Variants in GRID1 observed in about 807,000 individuals in gnomAD.
The protein encoded by GRID1 is glutamate receptor ionotropic, delta-1.
A neutral mutation model predicts 98.0 loss-of-function variants in GRID1; 28 were observed. The ratio of observed to expected loss-of-function variants is 0.29; its 90% CI spans 0.21 to 0.39. The LOEUF (loss-of-function observed/expected upper bound fraction) is 0.39, where lower values mean the gene tolerates loss of function less well. GRID1 is among the 10% of genes least tolerant of loss of function. The pLI is 1.00. For synonymous variants in GRID1, 553 were observed against 538.5 expected (o/e 1.03, Z -0.37); for missense variants, 1,111 against 1,340.5 (o/e 0.83, Z 2.67).
intron 2 of GRID1, among the ~76,000 whole-genome samples, chr10:86,256,820 G>A (rs946005132): frequency 3.9e-5 from 6 of 152,154 alleles, no homozygotes; most frequent in African/African-American, 1.4e-4. Flanking sequence ...CTTGCCCCTT[G>A]GCTTCTACCT....
intron 2 of GRID1, among the ~76,000 whole-genome samples, chr10:86,216,987 C>T (rs1426969041): frequency 2.0e-5 from 3 of 152,260 alleles, no homozygotes; most frequent in East Asian, 3.9e-4. Flanking sequence ...TATGGCAGTG[C>T]TCAGGGTGGG....
intron 2 of GRID1, among the ~76,000 whole-genome samples, chr10:86,321,479 A>AG (rs1423431634): frequency 3.3e-5 from 5 of 152,222 alleles, no homozygotes; most frequent in African/African-American, 1.2e-4. Context: ...TTTTTAAAAA[A>AG]GAAGAAGAAT....
At chr10:86,226,679 G>T (rs2132033269) in intron 2 of GRID1, among the ~76,000 whole-genome samples, 1 of 139,418 alleles carries the variant, frequency 7.2e-6, no homozygotes, top group East Asian at 2.1e-4. Context: ...CATTGGAGTG[G>T]GGTGTTGGCA....
intron 4 of GRID1, among the ~76,000 whole-genome samples, chr10:86,029,003 T>A (rs1355483036): frequency 6.6e-6 from 1 of 152,096 alleles, no homozygotes; most frequent in Non-Finnish European, 1.5e-5. Flanking sequence ...CCCTTAAGCA[T>A]CCCTCTAATG....
At chr10:85,786,559 G>A (rs1590231635) in intron 8 of GRID1, among the ~76,000 whole-genome samples, 1 of 152,280 alleles carries the variant, frequency 6.6e-6, no homozygotes, top group African/African-American at 2.4e-5. Context: ...ACGTGGGCCC[G>A]CAAGGCATAG....
chr10:86,020,440 A>G lies in GRID1; in HGVS notation c.727-104201T>C, dbSNP rs147870060. ...CTCCAGCCTGTGGGCCCTTGTGTGC[A>G]TATGGGCACAGCCCCAGCACAGCCT... is the stretch of plus-strand genomic sequence containing the variant. On this transcript the variant is annotated intron_variant, in intron 4 of 15. Transcript: ENST00000327946. 7.9e-4 allele frequency among the ~76,000 whole-genome samples: 121 copies of G among 152,352 alleles called. 1 individual carries two copies. Among genetic ancestry groups the G allele is most frequent in the African/African-American group, 2.7e-3 (111 of 41,580 alleles).
At chr10:85,774,966 C>T (rs1842314624) in intron 8 of GRID1, among the ~76,000 whole-genome samples, 1 of 151,792 alleles carries the variant, frequency 6.6e-6, no homozygotes. Context: ...CCCAGCCATC[C>T]CATTACTGGG....
chr10:85,882,663 C>T (rs569140140), intron 5 of GRID1, among the ~76,000 whole-genome samples: 2 of 152,246 alleles, frequency 1.3e-5, no homozygotes, highest in Admixed American at 6.5e-5. Context: ...AGGAGACACA[C>T]CTAATGTTAA....
chr10:86,078,509 A>C (rs537197024), intron 4 of GRID1, among the ~76,000 whole-genome samples: 1 of 152,262 alleles, frequency 6.6e-6, no homozygotes, highest in East Asian at 1.9e-4. Flanking sequence ...TCACACTCTC[A>C]TCTCTCTGTC....
intron 3 of GRID1, among the ~76,000 whole-genome samples, chr10:86,193,022 G>GA (rs1360251469): frequency 1.3e-5 from 2 of 151,994 alleles, no homozygotes; most frequent in Non-Finnish European, 2.9e-5. Flanking sequence ...GTGAGGCAAT[G>GA]AAAAAATGCC....
intron 2 of GRID1, among the ~76,000 whole-genome samples, chr10:86,284,490 G>A (rs532818923): frequency 1.3e-4 from 20 of 152,190 alleles, no homozygotes; most frequent in Non-Finnish European, 1.8e-4. Context: ...GCACCAGCTC[G>A]CAGGACACAC....
intron 4 of GRID1, among the ~76,000 whole-genome samples, chr10:85,998,094 CA>C (rs948494746): frequency 1.3e-5 from 2 of 151,918 alleles, no homozygotes; most frequent in African/African-American, 2.4e-5. Context: ...ATTTAATAGA[CA>C]AAAAAATTAT....
At chr10:86,120,788 C>T (rs545274517) in intron 4 of GRID1, among the ~76,000 whole-genome samples, 2 of 152,228 alleles carry the variant, frequency 1.3e-5, no homozygotes, top group South Asian at 4.2e-4. Context: ...ACTGTGATTG[C>T]AAGGATTAGA....
At chr10:86,106,712 A>G (rs900336706) in intron 4 of GRID1, among the ~76,000 whole-genome samples, 18 of 152,096 alleles carry the variant, frequency 1.2e-4, no homozygotes, top group Admixed American at 1.1e-3. Context: ...TGCAGTGAGA[A>G]GAGGGGTCTT....
rs187921756 is a variant in GRID1 at position 85,837,625 on chromosome 10, T to C, written c.1233+16871A>G. On this transcript the variant is annotated intron_variant, in intron 8 of 15. Coordinates refer to ENST00000327946, the MANE Select transcript of GRID1 (RefSeq NM_017551.3). ...CAATCAAGTCCTCAGAGTCATCGAA[T>C]AGGACAAAAGGAGAAAAAAAAAAAA... is the stretch of plus-strand genomic sequence containing the variant. 4.4e-3 allele frequency among the ~76,000 whole-genome samples: 628 copies of C among 143,050 alleles called. 7 individuals are homozygous for C. The highest frequency in any genetic ancestry group is 0.015 in the African/African-American group (587 of 37,998). The allele number at this position is 143,050 out of a possible 152,430, so 93.8% of individuals were successfully genotyped here. A position where few individuals can be genotyped will look rare whatever the true frequency, so the allele number is the denominator to read the frequency against.
chr10:86,316,316 C>T (rs1468892774), intron 2 of GRID1, among the ~76,000 whole-genome samples: 1 of 152,276 alleles, frequency 6.6e-6, no homozygotes, highest in African/African-American at 2.4e-5. Flanking sequence ...TCCACCCTCC[C>T]ACACACCCTC....
chr10:86,026,130 T>C (rs1368360220), intron 4 of GRID1, among the ~76,000 whole-genome samples: 1 of 152,254 alleles, frequency 6.6e-6, no homozygotes, highest in Non-Finnish European at 1.5e-5. Context: ...AACTAACATA[T>C]GTGCAACATC....
Position 85,602,173 on chromosome 10 carries a change from G to A in GRID1, c.*100C>T. ...AATGAAAGAGTCTCTGTGTATGTGT[G>A]TGTGTGCGAGTGTGTGTGGTTTGTG... On this transcript the variant is annotated 3_prime_UTR_variant, in exon 16 of 16. Coordinates refer to ENST00000327946, the MANE Select transcript of GRID1 (RefSeq NM_017551.3). 1.5e-6 allele frequency: 1 copy of A among 655,318 alleles called. No homozygotes were observed. The highest frequency in any genetic ancestry group is 2.6e-6 in the Non-Finnish European group (1 of 382,502). The allele number at this position is 655,318 out of a possible 1,614,324, so 40.6% of individuals were successfully genotyped here.
chr10:85,790,251 A>G (rs1468755251), intron 8 of GRID1, among the ~76,000 whole-genome samples: 2 of 152,182 alleles, frequency 1.3e-5, no homozygotes, highest in Non-Finnish European at 2.9e-5. Context: ...ACCTGAATCC[A>G]TGACTGGCAG....
Sources: gnomAD v4.1 joint callset for allele counts (sites outside exome capture counted in the v4.1 genomes callset) on GRCh38, gnomAD v4.1.1 for gene constraint, MANE v1.5 for transcripts, NCBI Gene and HGNC (gene_info 2026-07-23, HGNC 2026-07-21) for gene names.